Variants in PDE4D observed in about 807,000 individuals in gnomAD.
PDE4D encodes phosphodiesterase 4D, also known as 3',5'-cyclic-AMP phosphodiesterase 4D.
Under a neutral mutation model 87.4 loss-of-function variants are expected in PDE4D, and 24 were observed. The ratio of observed to expected loss-of-function variants is 0.27; its 90% CI spans 0.20 to 0.39. The LOEUF (loss-of-function observed/expected upper bound fraction) is 0.39. Among genes scored for constraint, PDE4D ranks in the 10% least tolerant of loss-of-function variants. The pLI, the probability that PDE4D is intolerant of heterozygous loss-of-function variation, is 1.00. For synonymous variants in PDE4D, 384 were observed against 383.2 expected (o/e 1.00, Z -0.02); for missense variants, 714 against 1,041.0 (o/e 0.69, Z 4.32).
At chr5:59,300,111 CAAA>C (rs58771016) in intron 1 of PDE4D, among the ~76,000 whole-genome samples, 340 of 48,738 alleles carry the variant, frequency 7.0e-3, no homozygotes, top group Non-Finnish European at 9.8e-3. Context: ...GGGTCTGTCT[CAAA>C]AAAAAAAAAA....
At chr5:59,779,500 T>G (rs1227356214) in intron 1 of PDE4D, among the ~76,000 whole-genome samples, 1 of 152,220 alleles carries the variant, frequency 6.6e-6, no homozygotes, top group Non-Finnish European at 1.5e-5. Context: ...AATAGCATCA[T>G]GTGGCTAGTG....
intron 1 of PDE4D, among the ~76,000 whole-genome samples, chr5:60,379,115 A>G (rs1761660268): frequency 6.6e-6 from 1 of 151,856 alleles, no homozygotes; most frequent in African/African-American, 2.4e-5. Flanking sequence ...GCCTGCTAAT[A>G]GGCAATGCTC....
intron 1 of PDE4D, among the ~76,000 whole-genome samples, chr5:59,718,323 A>C (rs1373466976): frequency 6.6e-6 from 1 of 152,194 alleles, no homozygotes. Flanking sequence ...GTCAGCTTGA[A>C]CCAAAGACAT....
At chr5:59,627,736 T>C (rs754687664) in intron 1 of PDE4D, among the ~76,000 whole-genome samples, 2 of 152,250 alleles carry the variant, frequency 1.3e-5, no homozygotes, top group Non-Finnish European at 2.9e-5. Flanking sequence ...TGGTTTTTAC[T>C]GCCAACAATG....
intron 1 of PDE4D, among the ~76,000 whole-genome samples, chr5:59,699,983 C>T (rs1186543705): frequency 1.3e-5 from 2 of 152,088 alleles, no homozygotes; most frequent in Non-Finnish European, 2.9e-5. Flanking sequence ...GGCAGGATCC[C>T]TTTAGTTTGA....
At chr5:59,082,963 T>A (rs1434203207) in intron 5 of PDE4D, among the ~76,000 whole-genome samples, 2 of 152,178 alleles carry the variant, frequency 1.3e-5, no homozygotes, top group African/African-American at 4.8e-5. Flanking sequence ...TCCAATGCTC[T>A]TTGTATCCTA....
At chr5:60,348,914 G>A (rs1583490733) in intron 1 of PDE4D, among the ~76,000 whole-genome samples, 1 of 152,064 alleles carries the variant, frequency 6.6e-6, no homozygotes, top group Admixed American at 6.6e-5. Flanking sequence ...CTAGGAAAAA[G>A]AGGTTAATGC....
chr5:59,382,957 C>A (rs1024569612), intron 1 of PDE4D, among the ~76,000 whole-genome samples: 1 of 152,134 alleles, frequency 6.6e-6, no homozygotes, highest in Non-Finnish European at 1.5e-5. Context: ...ATCCTGTAAG[C>A]TTTATTTTAT....
intron 1 of PDE4D, among the ~76,000 whole-genome samples, chr5:59,225,163 A>G (rs1317838654): frequency 1.3e-5 from 2 of 152,144 alleles, no homozygotes; most frequent in Admixed American, 1.3e-4. Context: ...TTAAGTCTTG[A>G]GTGGATTTTT....
chr5:59,168,499 C>T (rs1015489148), intron 5 of PDE4D, among the ~76,000 whole-genome samples: 3 of 152,166 alleles, frequency 2.0e-5, no homozygotes, highest in African/African-American at 7.2e-5. Flanking sequence ...GAATCCTATA[C>T]CCCCTGGCAG....
At chr5:59,045,782 A>G (rs895035106) in intron 5 of PDE4D, among the ~76,000 whole-genome samples, 1 of 152,166 alleles carries the variant, frequency 6.6e-6, no homozygotes, top group East Asian at 1.9e-4. Context: ...ATTTTATTTT[A>G]TATGGAAAAT....
chr5:59,208,843 A>G (rs1359098818), intron 2 of PDE4D, among the ~76,000 whole-genome samples: 1 of 152,176 alleles, frequency 6.6e-6, no homozygotes, highest in Admixed American at 6.5e-5. Flanking sequence ...AGATAGTAAA[A>G]AGGTATTCTA....
intron 1 of PDE4D, among the ~76,000 whole-genome samples, chr5:59,310,227 C>G (rs1250880574): frequency 6.6e-6 from 1 of 152,174 alleles, no homozygotes; most frequent in Non-Finnish European, 1.5e-5. Context: ...CCCAATAAGT[C>G]TACACCCTAT....
intron 1 of PDE4D, among the ~76,000 whole-genome samples, chr5:59,295,671 T>C (rs1768923124): frequency 6.6e-6 from 1 of 152,118 alleles, no homozygotes; most frequent in Admixed American, 6.6e-5. Context: ...ATTCTGTTTT[T>C]GTAGTTTTCA....
At chr5:58,998,158 A>G (rs990959246) in intron 6 of PDE4D, among the ~76,000 whole-genome samples, 1 of 152,118 alleles carries the variant, frequency 6.6e-6, no homozygotes, top group African/African-American at 2.4e-5. Flanking sequence ...GACCAAATAT[A>G]TCTATATTTG....
chr5:59,296,679 C>T (rs1389484105), intron 1 of PDE4D, among the ~76,000 whole-genome samples: 2 of 152,120 alleles, frequency 1.3e-5, no homozygotes, highest in Non-Finnish European at 2.9e-5. Flanking sequence ...AGAGAGGTCA[C>T]ATCCAAGTCT....
intron 5 of PDE4D, among the ~76,000 whole-genome samples, chr5:59,075,052 G>A (rs1765449074): frequency 6.7e-6 from 1 of 148,584 alleles, no homozygotes; most frequent in Admixed American, 6.8e-5. Flanking sequence ...ATGCTTTGTT[G>A]AGAAGGAGTA....
At chr5:59,969,904 T>C (rs1039107935) in intron 3 of PDE4D, among the ~76,000 whole-genome samples, 1 of 152,208 alleles carries the variant, frequency 6.6e-6, no homozygotes, top group Non-Finnish European at 1.5e-5. Context: ...CAGTTCTTTA[T>C]AGCAGTGTGA....
intron 5 of PDE4D, among the ~76,000 whole-genome samples, chr5:59,137,767 C>G (rs1310794671): frequency 6.6e-6 from 1 of 152,198 alleles, no homozygotes; most frequent in Non-Finnish European, 1.5e-5. Flanking sequence ...ACTTCTTGAT[C>G]TGCCTGCCTC....
Sources: gnomAD v4.1 joint callset for allele counts (sites outside exome capture counted in the v4.1 genomes callset) on GRCh38, gnomAD v4.1.1 for gene constraint, MANE v1.5 for transcripts, NCBI Gene and HGNC (gene_info 2026-07-23, HGNC 2026-07-21) for gene names.